The following FAM133A variants were observed in gnomAD, a reference collection of about 807,000 sequenced individuals.
FAM133A encodes family with sequence similarity 133 member A, also known as protein FAM133A.
For synonymous variants in FAM133A, 65 were observed against 58.6 expected, an observed-to-expected ratio of 1.11 and a Z score of -0.50; for missense variants, 159 against 164.4, an observed-to-expected ratio of 0.97 and a Z score of 0.18.
chrX:93,685,472 T>A (rs889517047), intron 2 of FAM133A, among the ~76,000 whole-genome samples: 8 of 112,056 alleles, frequency 7.1e-5, no homozygotes, highest in African/African-American at 9.7e-5. Flanking sequence ...CTAATTTAGC[T>A]GCAAATGATC....
At chrX:93,709,067 T>C (rs1314243083) in intron 3 of FAM133A, among the ~76,000 whole-genome samples, 1 of 111,848 alleles carries the variant, frequency 8.9e-6, no homozygotes, top group Non-Finnish European at 1.9e-5. Context: ...AAAATGGCTA[T>C]TAAATATTTT....
Position 93,679,915 on chromosome X carries a change from A to ATTT in FAM133A, c.-193+5204_-193+5206dup, listed in dbSNP as rs376335726. Among the ~76,000 whole-genome samples the ATTT allele has an allele frequency of 4.9e-3, 304 of 62,392 alleles. 12 individuals are homozygous for ATTT. Among genetic ancestry groups the ATTT allele is most frequent in the Non-Finnish European group, 6.3e-3 (238 of 37,573 alleles). The allele number at this position is 62,392 out of a possible 115,157, so 54.2% of individuals were successfully genotyped here. A position where few individuals can be genotyped will look rare whatever the true frequency, so the allele number is the denominator to read the frequency against. On this transcript the variant is annotated intron_variant, in intron 2 of 3. Coordinates refer to ENST00000683942, the MANE Select transcript of FAM133A (RefSeq NM_001171109.2). ...AGGTGTGTACCACCACTCCTGGCAA[A>ATTT]TTTTTTTTTTTTTTTTTTTTTTTTT...
At chrX:93,706,971 C>T (rs1428665745) in intron 3 of FAM133A, among the ~76,000 whole-genome samples, 1 of 112,022 alleles carries the variant, frequency 8.9e-6, no homozygotes, top group Non-Finnish European at 1.9e-5. Context: ...AAAATAGTGT[C>T]TCCCCGTTAG....
rs932474023 is a variant in FAM133A, at chrX:93,683,589, C to T, written c.-193+8837C>T. Among the ~76,000 whole-genome samples, 10 of 111,748 alleles carry T rather than the reference C, an allele frequency of 8.9e-5. No homozygotes were observed. In the East Asian group the frequency reaches 2.2e-3, roughly 25 times the overall value. Reference sequence around the variant, plus strand: ...TATGCATGCTTGTTTTTTGAGGAACCTCCATACTGTTCTCCATAGTGGCTG... The same window carrying T: ...TATGCATGCTTGTTTTTTGAGGAACTTCCATACTGTTCTCCATAGTGGCTG... On this transcript the variant is annotated intron_variant, in intron 2 of 3. Transcript: ENST00000683942.
intron 3 of FAM133A, among the ~76,000 whole-genome samples, chrX:93,706,600 T>C (rs1269865615): frequency 9.0e-6 from 1 of 111,179 alleles, no homozygotes; most frequent in Non-Finnish European, 1.9e-5. Flanking sequence ...ACTTCAGGAG[T>C]CCAAAATGGA....
At chrX:93,674,173 C>G (rs1924505783), upstream of FAM133A, 1 of 110,806 alleles carries the variant, frequency 9.0e-6, no homozygotes, top group Non-Finnish European at 1.9e-5. Context: ...GACTAGACAG[C>G]AGGCGTATTG....
intron 3 of FAM133A, among the ~76,000 whole-genome samples, chrX:93,705,915 A>G (rs1216690339): frequency 9.0e-6 from 1 of 111,525 alleles, no homozygotes; most frequent in Non-Finnish European, 1.9e-5. Context: ...TTAACTCTGC[A>G]TCTTTCATGG....
rs59775813 is a variant in FAM133A, at chrX:93,676,618, G to GT, written c.-193+1879dup. ...AGTTACTTTCATATTAAAATTGGTT[G>GT]TTTTTTTTTTTTTGGATACTTGTGG... On this transcript the variant is annotated intron_variant, in intron 2 of 3. Coordinates refer to ENST00000683942, the MANE Select transcript of FAM133A (RefSeq NM_001171109.2). Among the ~76,000 whole-genome samples, 786 of 94,019 alleles carry GT rather than the reference G, an allele frequency of 8.4e-3. 1 individual carries two copies. The highest frequency in any genetic ancestry group is 0.021 in the Admixed American group (181 of 8,511). 81.6% of individuals were successfully genotyped at this position (94,019 alleles called of 115,157 possible). A position where few individuals can be genotyped will look rare whatever the true frequency, so the allele number is the denominator to read the frequency against.
chrX:93,683,169 G>T (rs971016333), intron 2 of FAM133A, among the ~76,000 whole-genome samples: 1 of 111,695 alleles, frequency 9.0e-6, no homozygotes, highest in Non-Finnish European at 1.9e-5. Context: ...GAAAAATTTT[G>T]AAATCTAATG....
At chrX:93,679,040 T>C (rs1023670440) in intron 2 of FAM133A, among the ~76,000 whole-genome samples, 1 of 111,469 alleles carries the variant, frequency 9.0e-6, no homozygotes, top group Non-Finnish European at 1.9e-5. Context: ...AACATAAATG[T>C]TCTTCTATTT....
At chrX:93,684,097 T>C (rs1602795286) in intron 2 of FAM133A, among the ~76,000 whole-genome samples, 1 of 112,036 alleles carries the variant, frequency 8.9e-6, no homozygotes, top group East Asian at 2.8e-4. Flanking sequence ...TCCTGAAGCA[T>C]TTACTCTATG....
At position 93,710,145 on chromosome X, in the gene FAM133A, A is replaced by T; in HGVS notation, c.726A>T (p.Gly242=). The change falls in exon 4 of 4, where the codon GGA becomes GGT. Residue 242 remains glycine (G), a synonymous_variant. Transcript: ENST00000683942. ...KHSKKKKKKS[G]SSHKSR ...GTAAGAAGAAGAAAAAGAAGTCTGG[A>T]TCAAGTCACAAGTCAAGGTAACATC... is the stretch of plus-strand genomic sequence containing the variant. 5.9e-6 allele frequency: 7 copies of T among 1,180,581 alleles called. No individual in the cohort carries two copies. The highest frequency in any genetic ancestry group is 7.9e-6 in the Non-Finnish European group (7 of 885,875).
Position 93,709,667 on chromosome X carries a change from G to T in FAM133A, c.248G>T (p.Gly83Val). The change falls in exon 4 of 4, where the codon GGA (glycine) becomes GTA (valine). Residue 83 changes from glycine (G) to valine (V), a missense_variant. By Grantham distance (109) the Gly-to-Val change is moderately radical. Transcript: ENST00000683942. Reference sequence around the variant, plus strand: ...AAAAGCAGAGAGAAATTATTAAGTGGAAATGAGAGCTCATCTAAAAAAAGA... The same window carrying T: ...AAAAGCAGAGAGAAATTATTAAGTGTAAATGAGAGCTCATCTAAAAAAAGA... Reference protein sequence around the residue: ...LEKSREKLLSGNESSSKKRER... With the variant: ...LEKSREKLLSVNESSSKKRER... The T allele has an allele frequency of 8.4e-7, 1 of 1,188,395 alleles. No homozygotes were observed. Among genetic ancestry groups the T allele is most frequent in the African/African-American group, 1.8e-5 (1 of 56,206 alleles).
At chrX:93,691,405 G>A (rs907606072) in intron 2 of FAM133A, among the ~76,000 whole-genome samples, 7 of 111,739 alleles carry the variant, frequency 6.3e-5, no homozygotes, top group African/African-American at 1.3e-4. Context: ...AAAGACTATC[G>A]TTTTCACCAC....
At chrX:93,702,995 C>T (rs1373662150) in intron 3 of FAM133A, among the ~76,000 whole-genome samples, 2 of 110,132 alleles carry the variant, frequency 1.8e-5, no homozygotes, top group Admixed American at 9.8e-5. Context: ...CGTGATCAGC[C>T]GTGGTGACAT....
chrX:93,706,963 AAT>A (rs1478972437), intron 3 of FAM133A, among the ~76,000 whole-genome samples: 2 of 112,075 alleles, frequency 1.8e-5, no homozygotes, highest in Admixed American at 9.5e-5. Flanking sequence ...TTCTGCTTAA[AAT>A]AGTGTCTCCC....
At chrX:93,705,824 G>T (rs1289404601) in intron 3 of FAM133A, among the ~76,000 whole-genome samples, 23 of 110,151 alleles carry the variant, frequency 2.1e-4, no homozygotes, top group Non-Finnish European at 3.8e-5. Flanking sequence ...TTTAAAACAT[G>T]TTTTCTTTGT....
intron 2 of FAM133A, among the ~76,000 whole-genome samples, chrX:93,684,271 A>G (rs1213811689): frequency 8.9e-6 from 1 of 111,779 alleles, no homozygotes; most frequent in Non-Finnish European, 1.9e-5. Flanking sequence ...CCCTTTCCCA[A>G]TGAGTGTTCT....
intron 2 of FAM133A, among the ~76,000 whole-genome samples, chrX:93,689,550 A>G (rs1694427429): frequency 9.0e-6 from 1 of 111,639 alleles, no homozygotes; most frequent in African/African-American, 3.3e-5. Flanking sequence ...TTTTAAATAA[A>G]GGGTATAAAT....
Sources: allele counts gnomAD v4.1 joint callset (sites outside exome capture counted in the v4.1 genomes callset), GRCh38; gene constraint gnomAD v4.1.1; transcripts MANE v1.5; gene names NCBI Gene and HGNC (gene_info 2026-07-23, HGNC 2026-07-21).